The following PPP3CA variants were observed in gnomAD, a reference collection of about 807,000 sequenced individuals.
PPP3CA encodes CAM-PRP catalytic subunit.
A neutral mutation model predicts 66.5 loss-of-function variants in PPP3CA; 14 were observed. That is an observed-to-expected ratio of 0.21 (90% CI 0.14 to 0.33). The LOEUF (loss-of-function observed/expected upper bound fraction) is 0.33, where lower values mean the gene tolerates loss of function less well. Among genes scored for constraint, PPP3CA ranks in the 10% least tolerant of loss-of-function variants. PPP3CA has a pLI of 1.00. For missense variants in PPP3CA, 317 were observed against 639.5 expected (o/e 0.50, Z 5.44); for synonymous variants, 232 against 226.2 (o/e 1.03, Z -0.23).
At chr4:101,121,273 C>T (rs1490178989) in intron 2 of PPP3CA, among the ~76,000 whole-genome samples, 1 of 152,042 alleles carries the variant, frequency 6.6e-6, no homozygotes, top group African/African-American at 2.4e-5. Context: ...TATTAAACTG[C>T]TTCTTATTGA....
At chr4:101,058,062 G>A (rs1179015497) in intron 10 of PPP3CA, among the ~76,000 whole-genome samples, 1 of 152,092 alleles carries the variant, frequency 6.6e-6, no homozygotes, top group Non-Finnish European at 1.5e-5. Context: ...GAGAAAAAAG[G>A]TAGAAAAAAC....
chr4:101,136,524 G>A (rs1421532480), intron 2 of PPP3CA, among the ~76,000 whole-genome samples: 1 of 149,626 alleles, frequency 6.7e-6, no homozygotes, highest in Non-Finnish European at 1.5e-5. Flanking sequence ...CTGGGTGACA[G>A]AACGAGACTC....
intron 2 of PPP3CA, among the ~76,000 whole-genome samples, chr4:101,146,341 G>T (rs929717475): frequency 1.3e-5 from 2 of 152,136 alleles, no homozygotes; most frequent in African/African-American, 4.8e-5. Context: ...CATAATTCTT[G>T]CAACAATCCT....
intron 10 of PPP3CA, among the ~76,000 whole-genome samples, chr4:101,045,905 T>C (rs1261729493): frequency 2.6e-5 from 4 of 152,238 alleles, no homozygotes; most frequent in Admixed American, 1.3e-4. Context: ...TATCTAAGTA[T>C]AAACTATACA....
chr4:101,104,574 C>T (rs765880862), intron 3 of PPP3CA, among the ~76,000 whole-genome samples: 7 of 151,926 alleles, frequency 4.6e-5, no homozygotes, highest in East Asian at 1.9e-4. Context: ...GTGTGACCCC[C>T]GAGCCTCAGT....
intron 2 of PPP3CA, among the ~76,000 whole-genome samples, chr4:101,152,049 G>C (rs1723160919): frequency 6.6e-6 from 1 of 152,144 alleles, no homozygotes. Context: ...CTAGAAGTAT[G>C]GTGCAGATTT....
At position 101,093,795 on chromosome 4, in the gene PPP3CA, C is replaced by G; in HGVS notation, c.763G>C (p.Gly255Arg). The stretch of plus-strand genomic sequence containing the variant: ...TCTTACCTGTAGAAGTATGAACACC[C>G]CCTGACTGTGTTGTGAGTGAAATGT... ...QEHFTHNTVR[G>R]CSYFYSYPAV... Residue 255 changes from glycine (G) to arginine (R), a missense_variant, in exon 6 of 14, where the codon GGG becomes CGG. This residue lies in a region of PPP3CA where 201 missense variants were observed against 501.4 expected (regional missense o/e 0.40). Coordinates refer to ENST00000394854, the MANE Select transcript of PPP3CA (RefSeq NM_000944.5). 6.2e-7 allele frequency: 1 copy of G among 1,612,316 alleles called. No individual in the cohort carries two copies.
intron 1 of PPP3CA, among the ~76,000 whole-genome samples, chr4:101,217,957 G>T (rs570312731): frequency 6.6e-6 from 1 of 152,028 alleles, no homozygotes; most frequent in Non-Finnish European, 1.5e-5. Context: ...CCCGAGTGAC[G>T]CTCAAGGGAC....
intron 2 of PPP3CA, among the ~76,000 whole-genome samples, chr4:101,159,315 C>A (rs554097079): frequency 6.6e-6 from 1 of 152,270 alleles, no homozygotes; most frequent in East Asian, 1.9e-4. Context: ...TAGGTACTCA[C>A]CAGTTTTTTC....
intron 1 of PPP3CA, among the ~76,000 whole-genome samples, chr4:101,201,343 G>T (rs779784486): frequency 2.0e-5 from 3 of 152,092 alleles, no homozygotes; most frequent in Admixed American, 6.6e-5. Context: ...TTTCAAAACT[G>T]GTTGCACACT....
intron 2 of PPP3CA, among the ~76,000 whole-genome samples, chr4:101,163,328 A>G (rs1317295391): frequency 6.6e-6 from 1 of 152,144 alleles, no homozygotes; most frequent in Admixed American, 6.5e-5. Flanking sequence ...TCAGTGTGAA[A>G]TATCTGGGGC....
intron 2 of PPP3CA, among the ~76,000 whole-genome samples, chr4:101,140,106 AACT>A (rs1385268600): frequency 1.3e-5 from 2 of 152,210 alleles, no homozygotes; most frequent in Non-Finnish European, 2.9e-5. Flanking sequence ...AAATTCTCTA[AACT>A]ATTAATGAAT....
At chr4:101,193,478 A>G (rs1013808934) in intron 2 of PPP3CA, among the ~76,000 whole-genome samples, 5 of 147,384 alleles carry the variant, frequency 3.4e-5, no homozygotes, top group South Asian at 2.1e-4. Context: ...TAGCTGAAAG[A>G]AAAAAAAAAA....
chr4:101,054,787 C>G (rs572215629), intron 10 of PPP3CA, among the ~76,000 whole-genome samples: 1 of 152,162 alleles, frequency 6.6e-6, no homozygotes, highest in South Asian at 2.1e-4. Context: ...AAAAGCTACT[C>G]TGATTCCATA....
intron 3 of PPP3CA, among the ~76,000 whole-genome samples, 157 bp from the exon 4 acceptor site, chr4:101,099,879 T>C (rs567144003): frequency 6.6e-6 from 1 of 151,844 alleles, no homozygotes; most frequent in Non-Finnish European, 1.5e-5. Context: ...GACAATCAAA[T>C]AGGAAACATT....
intron 10 of PPP3CA, among the ~76,000 whole-genome samples, chr4:101,059,499 T>A (rs1404044707): frequency 1.3e-5 from 2 of 152,158 alleles, no homozygotes; most frequent in African/African-American, 4.8e-5. Flanking sequence ...TACCTGAGTA[T>A]ATAGACTCTA....
At chr4:101,341,357 T>C (rs1391683153) in intron 1 of PPP3CA, among the ~76,000 whole-genome samples, 1 of 152,072 alleles carries the variant, frequency 6.6e-6, no homozygotes, top group Non-Finnish European at 1.5e-5. Context: ...GCCTCTTTAA[T>C]AAAGAAAATA....
At chr4:101,033,080 T>C (rs1727059434) in intron 11 of PPP3CA, among the ~76,000 whole-genome samples, 1 of 152,098 alleles carries the variant, frequency 6.6e-6, no homozygotes, top group African/African-American at 2.4e-5. Flanking sequence ...TATTTATTAA[T>C]TACTTGACAC....
chr4:101,129,173 G>A (rs1002206950), intron 2 of PPP3CA, among the ~76,000 whole-genome samples: 4 of 152,158 alleles, frequency 2.6e-5, no homozygotes, highest in Admixed American at 6.5e-5. Flanking sequence ...CAGCAATGAC[G>A]ATGTAGCCAG....
Sources: gnomAD v4.1 joint callset for allele counts (sites outside exome capture counted in the v4.1 genomes callset) on GRCh38, gnomAD v4.1.1 for gene constraint, gnomAD v4.1.1 regional missense constraint, MANE v1.5 for transcripts, NCBI Gene and HGNC (gene_info 2026-07-23, HGNC 2026-07-21) for gene names.